Variants in DACH2 observed in about 807,000 individuals in gnomAD.
DACH2 encodes dachshund family transcription factor 2.
In DACH2, 17 loss-of-function variants were observed where a neutral mutation model predicts 35.8. The ratio of observed to expected loss-of-function variants is 0.48; its 90% CI spans 0.33 to 0.71. The LOEUF (loss-of-function observed/expected upper bound fraction) is 0.71. DACH2 is among the 30% of genes least tolerant of loss of function. DACH2 has a pLI of 0.02. For synonymous variants in DACH2, 195 were observed against 177.3 expected (o/e 1.10, Z -0.79); for missense variants, 469 against 472.7 (o/e 0.99, Z 0.07).
In DACH2 at chrX:86,205,465, C is replaced by T. The variant is rs1371735659; in HGVS notation, c.488+56357C>T. ...CCCTCCCTCCCTCCCTCCCTCCCTC[C>T]CTCCTTCCCTCCTTCCCTCCTTCCC... On this transcript the variant is annotated intron_variant, in intron 1 of 11. Coordinates refer to ENST00000373125, the MANE Select transcript of DACH2 (RefSeq NM_053281.3). Among the ~76,000 whole-genome samples the T allele has an allele frequency of 1.3e-4, 6 of 46,404 alleles. No homozygotes were observed. In the East Asian group the frequency reaches 2.9e-3, roughly 23 times the overall value. The allele number at this position is 46,404 out of a possible 115,157, so 40.3% of individuals were successfully genotyped here.
intron 6 of DACH2, among the ~76,000 whole-genome samples, chrX:86,739,080 A>G (rs1256047289): frequency 9.1e-6 from 1 of 109,989 alleles, no homozygotes; most frequent in Non-Finnish European, 1.9e-5. Flanking sequence ...CACCATTTTG[A>G]TCAGGCTGAT....
chrX:86,712,152 G>A (rs1025598828), intron 5 of DACH2, among the ~76,000 whole-genome samples: 3 of 111,474 alleles, frequency 2.7e-5, no homozygotes, highest in Non-Finnish European at 5.6e-5. Flanking sequence ...TGTGGTAAAT[G>A]ATAGCCTTAT....
At chrX:86,402,134 A>T (rs66799256) in intron 2 of DACH2, among the ~76,000 whole-genome samples, 1 of 111,645 alleles carries the variant, frequency 9.0e-6, no homozygotes, top group African/African-American at 3.3e-5. Context: ...AAAGACAAAG[A>T]TGCCCACTCT....
chrX:86,318,875 T>A (rs2034964703), intron 1 of DACH2, among the ~76,000 whole-genome samples: 1 of 111,910 alleles, frequency 8.9e-6, no homozygotes, highest in African/African-American at 3.2e-5. Context: ...AGTTACTTAT[T>A]TTTCCAAAAC....
intron 4 of DACH2, among the ~76,000 whole-genome samples, chrX:86,663,267 G>A (rs781482154): frequency 6.3e-5 from 7 of 111,555 alleles, no homozygotes; most frequent in Non-Finnish European, 1.1e-4. Flanking sequence ...AGATTCTAAA[G>A]AGTATGTTTC....
rs778147744 is a variant in DACH2 at position 86,816,065 on chromosome X, C to T, written c.1716C>T (p.Asn572=). ...DTGIPDIEIE[N]NGTPHDSAAM... is the part of the protein sequence containing the mutation. The stretch of plus-strand genomic sequence containing the variant: ...GAATTCCAGATATTGAAATAGAAAA[C>T]AATGGGACTCCTCATGATAGTGCTG... Residue 572 remains asparagine (N), a synonymous_variant, in exon 11 of 12, where the codon AAC becomes AAT. Coordinates refer to ENST00000373125, the MANE Select transcript of DACH2 (RefSeq NM_053281.3). The T allele has an allele frequency of 8.4e-7, 1 of 1,188,799 alleles. No homozygotes were observed. The highest frequency in any genetic ancestry group is 1.1e-6 in the Non-Finnish European group (1 of 884,212).
At chrX:86,632,879 A>G (rs909282384) in intron 3 of DACH2, among the ~76,000 whole-genome samples, 3 of 111,003 alleles carry the variant, frequency 2.7e-5, no homozygotes, top group African/African-American at 9.8e-5. Context: ...GAAATTAAAA[A>G]CTTTTCTAAA....
At chrX:86,623,515 A>T (rs1046826826) in intron 3 of DACH2, among the ~76,000 whole-genome samples, 1 of 111,656 alleles carries the variant, frequency 9.0e-6, no homozygotes, top group Non-Finnish European at 1.9e-5. Context: ...CTGTCTGAAG[A>T]TGGGTGGGGA....
intron 11 of DACH2, among the ~76,000 whole-genome samples, chrX:86,820,973 TAGTA>T (rs1487865255): frequency 3.6e-5 from 4 of 111,337 alleles, no homozygotes; most frequent in Non-Finnish European, 7.6e-5. Flanking sequence ...GAAAAAGTGA[TAGTA>T]AGAGTGTGAA....
At chrX:86,809,163 A>G (rs1361695793) in intron 7 of DACH2, among the ~76,000 whole-genome samples, 1 of 111,757 alleles carries the variant, frequency 8.9e-6, no homozygotes, top group Non-Finnish European at 1.9e-5. Flanking sequence ...CAGTTCTCCT[A>G]TTCTTACTTT....
At chrX:86,376,792 TTTA>T (rs1338314265) in intron 1 of DACH2, 29 bp from the exon 2 acceptor site, 1 of 1,114,496 alleles carries the variant, frequency 9.0e-7, no homozygotes, top group Non-Finnish European at 1.2e-6. Flanking sequence ...ACCAGTTTTA[TTTA>T]TTTATTTTCT....
intron 7 of DACH2, among the ~76,000 whole-genome samples, chrX:86,809,696 G>A (rs1419251741): frequency 9.0e-6 from 1 of 110,983 alleles, no homozygotes; most frequent in African/African-American, 3.3e-5. Flanking sequence ...CTTCTTTATG[G>A]CCCTTTTTCT....
chrX:86,436,017 T>C (rs758164623), intron 2 of DACH2, among the ~76,000 whole-genome samples: 6 of 111,632 alleles, frequency 5.4e-5, no homozygotes, highest in Non-Finnish European at 1.1e-4. Flanking sequence ...GATGGACTAG[T>C]AAATATATCC....
At chrX:86,818,971 A>ATCT (rs1448726217) in intron 11 of DACH2, among the ~76,000 whole-genome samples, 2 of 107,776 alleles carry the variant, frequency 1.9e-5, no homozygotes, top group African/African-American at 3.3e-5. Context: ...TGTACCAGAA[A>ATCT]TCTTATATAT....
At position 86,619,132 on chromosome X, in the gene DACH2, G is replaced by A. The variant is rs551387812; in HGVS notation, c.641-31904G>A. Reference sequence around the variant, plus strand: ...AAATTTAATCATCAATTATAGCCAAGATCCTATAATTATTTTTGTAAATAA... The same window carrying A: ...AAATTTAATCATCAATTATAGCCAAAATCCTATAATTATTTTTGTAAATAA... On this transcript the variant is annotated intron_variant, in intron 3 of 11. Coordinates refer to ENST00000373125, the MANE Select transcript of DACH2 (RefSeq NM_053281.3). Among the ~76,000 whole-genome samples, 9 of 111,750 alleles carry A rather than the reference G, an allele frequency of 8.1e-5. No homozygotes were observed. The South Asian group carries it at 3.3e-3, about 41-fold the overall frequency.
chrX:86,830,049 G>A (rs1041589294), intron 11 of DACH2: 1 of 111,450 alleles, frequency 9.0e-6, no homozygotes, highest in Non-Finnish European at 1.9e-5. Context: ...TCCTAATGAA[G>A]CGAGCACACT....
At chrX:86,297,047 A>G (rs200993523) in intron 1 of DACH2, among the ~76,000 whole-genome samples, 3,589 of 36,393 alleles carry the variant, frequency 0.099, 76 homozygotes, top group African/African-American at 0.11. Flanking sequence ...AATTGTGTAT[A>G]TATATATATA....
intron 2 of DACH2, among the ~76,000 whole-genome samples, chrX:86,398,042 A>G (rs760629407): frequency 1.8e-5 from 2 of 111,904 alleles, no homozygotes; most frequent in East Asian, 5.6e-4. Context: ...TTGGTAAGCT[A>G]TTAATTATTG....
chrX:86,584,708 A>G (rs1172933862), intron 3 of DACH2, among the ~76,000 whole-genome samples: 1 of 110,888 alleles, frequency 9.0e-6, no homozygotes, highest in Non-Finnish European at 1.9e-5. Context: ...TTAAAATTTA[A>G]TTTTAGATTC....
Sources: gnomAD v4.1 joint callset for allele counts (sites outside exome capture counted in the v4.1 genomes callset) on GRCh38, gnomAD v4.1.1 for gene constraint, MANE v1.5 for transcripts, NCBI Gene and HGNC (gene_info 2026-07-23, HGNC 2026-07-21) for gene names.